The following LAMA3 variants were observed in gnomAD, a reference collection of about 807,000 sequenced individuals.
LAMA3 encodes the protein laminin subunit alpha-3.
Under a neutral mutation model 402.0 loss-of-function variants are expected in LAMA3, and 281 were observed. The observed-to-expected ratio is 0.70, with a 90% CI of 0.63 to 0.77. The LOEUF (loss-of-function observed/expected upper bound fraction) is 0.77. LAMA3 is among the 30% of genes least tolerant of loss of function. The probability of loss-of-function intolerance (pLI) is 0.00; values close to 1 mark genes in which losing one functional copy is unlikely to be tolerated. For missense variants in LAMA3, 3,840 were observed against 4,215.5 expected, an observed-to-expected ratio of 0.91 and a Z score of 2.47; for synonymous variants, 1,431 against 1,558.4, an observed-to-expected ratio of 0.92 and a Z score of 1.93.
chr18:23,704,036 A>G lies in LAMA3; in HGVS notation c.295-9884A>G, dbSNP rs530140244. 2.6e-5 allele frequency among the ~76,000 whole-genome samples: 4 copies of G among 152,338 alleles called. No homozygotes were observed. In the South Asian group the frequency reaches 6.2e-4, roughly 24 times the overall value. Reference sequence around the variant, plus strand: ...CTTGGGTTTGGGCACTTGAGACACCATGGCCTCCGGAACCTTAGTGAGTGA... The same window carrying G: ...CTTGGGTTTGGGCACTTGAGACACCGTGGCCTCCGGAACCTTAGTGAGTGA... On this transcript the variant is annotated intron_variant, in intron 1 of 74. Coordinates refer to ENST00000313654, the MANE Select transcript of LAMA3 (RefSeq NM_198129.4).
At chr18:23,827,921 G>A (rs1001591564) in intron 23 of LAMA3, among the ~76,000 whole-genome samples, 4 of 152,132 alleles carry the variant, frequency 2.6e-5, no homozygotes, top group East Asian at 1.9e-4. Flanking sequence ...CTCAGAATCC[G>A]GAACTTCTAC....
chr18:23,748,570 G>A (rs56113214), intron 3 of LAMA3, among the ~76,000 whole-genome samples: 3,143 of 151,806 alleles, frequency 0.021, 110 homozygotes, highest in African/African-American at 0.072. Flanking sequence ...CAAGGCAGGC[G>A]GGTCACTTGA....
chr18:23,921,794 T>C (rs1233551808), intron 62 of LAMA3, among the ~76,000 whole-genome samples: 1 of 152,116 alleles, frequency 6.6e-6, no homozygotes, highest in African/African-American at 2.4e-5. Flanking sequence ...GGTGGGGGAA[T>C]GTGTGTCACC....
At chr18:23,707,311 A>T (rs2060908584) in intron 1 of LAMA3, among the ~76,000 whole-genome samples, 1 of 152,210 alleles carries the variant, frequency 6.6e-6, no homozygotes, top group Admixed American at 6.5e-5. Flanking sequence ...TTCTCACAGA[A>T]TGGTGATTCT....
rs779239497 is a variant in LAMA3, at chr18:23,884,707, T to G, written c.5223-66T>G. ...CTTAATACAAGCCAGTCCTTTGTGG[T>G]AAAAAATAAGCATAAATCCTATCGA... On this transcript the variant is annotated intron_variant, in intron 40 of 74. Transcript: ENST00000313654. 2.2e-4 allele frequency: 309 copies of G among 1,399,734 alleles called. 1 individual carries two copies. The highest frequency in any genetic ancestry group is 2.9e-4 in the Non-Finnish European group (286 of 985,030). The allele number at this position is 1,399,734 out of a possible 1,614,324, so 86.7% of individuals were successfully genotyped here.
At chr18:23,812,037 C>CCTCTAGAAAATATTTTTTAAAA (rs2063081647) in intron 13 of LAMA3, among the ~76,000 whole-genome samples, 1 of 151,938 alleles carries the variant, frequency 6.6e-6, no homozygotes, top group African/African-American at 2.4e-5. Flanking sequence ...CCATGCCTAG[C>CCTCTAGAAAATATTTTTTAAAA]TAATTTTTTG....
At chr18:23,690,062 C>T (rs2060551491) in intron 1 of LAMA3, 85 bp downstream of exon 1, 2 of 1,116,550 alleles carry the variant, frequency 1.8e-6, no homozygotes, top group Non-Finnish European at 2.4e-6. Context: ...CGGGCCCTTT[C>T]CTCACGCGCG....
chr18:23,877,769 T>C (rs537339444), intron 39 of LAMA3, among the ~76,000 whole-genome samples: 1 of 152,342 alleles, frequency 6.6e-6, no homozygotes, highest in African/African-American at 2.4e-5. Context: ...GAATAGTTCA[T>C]GTTTGATATT....
chr18:23,909,700 G>A (rs111366666), intron 55 of LAMA3, among the ~76,000 whole-genome samples: 24 of 152,314 alleles, frequency 1.6e-4, no homozygotes, highest in African/African-American at 5.8e-4. Context: ...TGAGGATGGA[G>A]GATTTAAGAT....
intron 15 of LAMA3, 41 bp from the exon 16 acceptor site, chr18:23,815,147 T>G (rs1218754343): frequency 1.9e-6 from 3 of 1,585,144 alleles, no homozygotes; most frequent in East Asian, 2.2e-5. Context: ...AACTGTCTTT[T>G]GTGTCTCCCT....
intron 51 of LAMA3, 72 bp downstream of exon 51, chr18:23,904,766 G>C (rs532955293): frequency 8.1e-6 from 12 of 1,486,506 alleles, no homozygotes; most frequent in Non-Finnish European, 1.1e-5. Flanking sequence ...TCTTTCCGTG[G>C]GCTCCAAGGA....
intron 7 of LAMA3, among the ~76,000 whole-genome samples, chr18:23,760,522 A>G (rs1326278972): frequency 1.3e-5 from 2 of 152,224 alleles, no homozygotes; most frequent in Admixed American, 6.5e-5. Context: ...TAATTAGAAT[A>G]TAATGAATAT....
At chr18:23,847,058 A>G (rs1262748962) in intron 31 of LAMA3, among the ~76,000 whole-genome samples, 1 of 152,192 alleles carries the variant, frequency 6.6e-6, no homozygotes, top group Non-Finnish European at 1.5e-5. Flanking sequence ...AGGCCAAGGA[A>G]CAAGAACCCT....
At chr18:23,758,889 G>A (rs1431359340) in intron 7 of LAMA3, among the ~76,000 whole-genome samples, 1 of 152,136 alleles carries the variant, frequency 6.6e-6, no homozygotes, top group African/African-American at 2.4e-5. Context: ...CAGAGAAGAC[G>A]GCAAGGTTGA....
At chr18:23,897,914 A>G (rs999687575) in intron 44 of LAMA3, among the ~76,000 whole-genome samples, 2 of 152,214 alleles carry the variant, frequency 1.3e-5, no homozygotes, top group Admixed American at 6.5e-5. Flanking sequence ...TTACTAATGG[A>G]AGAGCAAGGC....
intron 48 of LAMA3, 140 bp downstream of exon 48, chr18:23,901,463 C>A: frequency 2.7e-6 from 2 of 729,506 alleles, no homozygotes; most frequent in South Asian, 1.6e-5. Context: ...CAGACAGGAA[C>A]AAAGCGTTAA....
intron 1 of LAMA3, chr18:23,709,958 C>A: frequency 1.4e-6 from 1 of 729,714 alleles, no homozygotes; most frequent in Admixed American, 1.7e-5. Flanking sequence ...TCTTCACAGC[C>A]TGTTTGATTT....
intron 35 of LAMA3, among the ~76,000 whole-genome samples, chr18:23,862,436 G>C (rs1183242108): frequency 2.0e-5 from 3 of 152,168 alleles, no homozygotes; most frequent in African/African-American, 7.2e-5. Context: ...CTTAGCAAGG[G>C]TGGAACTTGC....
At chr18:23,867,089 G>A (rs1182786881) in intron 36 of LAMA3, among the ~76,000 whole-genome samples, 1 of 152,138 alleles carries the variant, frequency 6.6e-6, no homozygotes, top group African/African-American at 2.4e-5. Flanking sequence ...GAGGCAGCAG[G>A]GGAATTTTTC....
Sources: allele counts gnomAD v4.1 joint callset (sites outside exome capture counted in the v4.1 genomes callset), GRCh38; gene constraint gnomAD v4.1.1; transcripts MANE v1.5; gene names NCBI Gene and HGNC (gene_info 2026-07-23, HGNC 2026-07-21).